TSHZ2: variants seen among roughly 807,000 people sequenced by gnomAD.
The protein encoded by TSHZ2 is teashirt zinc finger homeobox 2.
TSHZ2 carries 21 observed loss-of-function variants against 74.4 expected under a neutral mutation model. That is an observed-to-expected ratio of 0.28 (90% CI 0.20 to 0.41). The LOEUF (loss-of-function observed/expected upper bound fraction) is 0.41, where lower values mean the gene tolerates loss of function less well. Among genes scored for constraint, TSHZ2 ranks in the 10% least tolerant of loss-of-function variants. TSHZ2 has a pLI of 1.00. For missense variants in TSHZ2, 1,244 were observed against 1,293.5 expected (o/e 0.96, Z 0.59); for synonymous variants, 540 against 515.3 (o/e 1.05, Z -0.65).
chr20:53,391,215 C>T (rs933736000), intron 2 of TSHZ2, among the ~76,000 whole-genome samples: 3 of 152,272 alleles, frequency 2.0e-5, no homozygotes, highest in Non-Finnish European at 2.9e-5. Context: ...GGCACGATCT[C>T]GGCTCACTGC....
In TSHZ2 at chr20:53,460,941, C is replaced by A. The variant is rs552283338; in HGVS notation, c.*9-26203C>A. Among the ~76,000 whole-genome samples, 436 of 152,344 alleles carry A rather than the reference C, an allele frequency of 2.9e-3. 1 individual carries two copies. Among genetic ancestry groups the A allele is most frequent in the South Asian group, 5.4e-3 (26 of 4,824 alleles). On this transcript the variant is annotated intron_variant, in intron 2 of 2. Coordinates refer to ENST00000371497, the MANE Select transcript of TSHZ2 (RefSeq NM_173485.6). ...GTACTGGGAGAACCACTGCTCTCTT[C>A]AAAGCTGTCAGACAGGGACATTTAA...
chr20:53,082,189 C>T (rs1985557230), intron 1 of TSHZ2, among the ~76,000 whole-genome samples: 1 of 152,168 alleles, frequency 6.6e-6, no homozygotes. Context: ...CAAGATGACC[C>T]ACACAACTCT....
At chr20:52,983,560 T>C (rs1228680531) in intron 1 of TSHZ2, among the ~76,000 whole-genome samples, 1 of 152,244 alleles carries the variant, frequency 6.6e-6, no homozygotes, top group East Asian at 1.9e-4. Flanking sequence ...TATAAGGATC[T>C]CTTTCATAGG....
At chr20:53,346,133 G>A (rs964490631) in intron 2 of TSHZ2, among the ~76,000 whole-genome samples, 4 of 152,192 alleles carry the variant, frequency 2.6e-5, no homozygotes, top group Non-Finnish European at 5.9e-5. Flanking sequence ...GCCTACCCCA[G>A]TGACATTTCA....
At chr20:53,024,189 AATT>A (rs1239662890) in intron 1 of TSHZ2, among the ~76,000 whole-genome samples, 1 of 151,990 alleles carries the variant, frequency 6.6e-6, no homozygotes, top group Admixed American at 6.6e-5. Flanking sequence ...TATGTACATA[AATT>A]ATTATCTTAT....
At chr20:53,112,097 C>A (rs558373245) in intron 1 of TSHZ2, among the ~76,000 whole-genome samples, 9 of 152,256 alleles carry the variant, frequency 5.9e-5, no homozygotes, top group Admixed American at 1.3e-4. Context: ...GCCACCCAGG[C>A]AAAACCAGGT....
chr20:53,197,091 G>A (rs1988889792), intron 1 of TSHZ2, among the ~76,000 whole-genome samples: 1 of 152,180 alleles, frequency 6.6e-6, no homozygotes, highest in Non-Finnish European at 1.5e-5. Flanking sequence ...AAATAACAGT[G>A]TGACTTTGTC....
At chr20:53,364,074 T>C (rs928188706) in intron 2 of TSHZ2, among the ~76,000 whole-genome samples, 1 of 148,844 alleles carries the variant, frequency 6.7e-6, no homozygotes, top group African/African-American at 2.5e-5. Context: ...GAAGGAGGAC[T>C]GGAGATGAGG....
chr20:52,976,530 G>A (rs1981345699), intron 1 of TSHZ2, among the ~76,000 whole-genome samples: 2 of 152,214 alleles, frequency 1.3e-5, no homozygotes. Flanking sequence ...CATTTCAAGG[G>A]AGATAGAGAA....
intron 1 of TSHZ2, among the ~76,000 whole-genome samples, chr20:52,993,465 T>C (rs989961506): frequency 8.5e-5 from 13 of 152,238 alleles, no homozygotes; most frequent in African/African-American, 2.7e-4. Flanking sequence ...CATGATCTCA[T>C]TTTCATTTTA....
intron 2 of TSHZ2, among the ~76,000 whole-genome samples, chr20:53,292,444 C>T (rs528674087): frequency 9.2e-6 from 1 of 109,176 alleles, no homozygotes; most frequent in East Asian, 2.5e-4. Flanking sequence ...ACACAAACCA[C>T]CTATTTTTTT....
chr20:53,298,482 G>T (rs962515021), intron 2 of TSHZ2, among the ~76,000 whole-genome samples: 4 of 152,182 alleles, frequency 2.6e-5, no homozygotes, highest in Admixed American at 2.6e-4. Context: ...GAAAGAACTG[G>T]CTTCAGAGAT....
chr20:53,053,458 A>G (rs1984542067), intron 1 of TSHZ2, among the ~76,000 whole-genome samples: 1 of 152,158 alleles, frequency 6.6e-6, no homozygotes, highest in Non-Finnish European at 1.5e-5. Flanking sequence ...AGCCAAGAGA[A>G]CGGTCTAGGT....
At chr20:53,481,043 GA>G (rs3042259) in intron 2 of TSHZ2, among the ~76,000 whole-genome samples, 51,936 of 151,250 alleles carry the variant, frequency 0.34, 9,105 homozygotes, top group Admixed American at 0.36. Context: ...CAATATATTA[GA>G]AAAAAAAATG....
chr20:53,310,000 T>A (rs1457312326), intron 2 of TSHZ2, among the ~76,000 whole-genome samples: 1 of 152,200 alleles, frequency 6.6e-6, no homozygotes, highest in East Asian at 1.9e-4. Context: ...TAAAGAAAAT[T>A]GTTGAGCATC....
At chr20:53,425,328 G>A (rs1350386687) in intron 2 of TSHZ2, among the ~76,000 whole-genome samples, 1 of 152,152 alleles carries the variant, frequency 6.6e-6, no homozygotes, top group Admixed American at 6.5e-5. Context: ...TTGAAACAAA[G>A]CTATTCACTC....
intron 1 of TSHZ2, among the ~76,000 whole-genome samples, chr20:53,218,828 T>C (rs1221286834): frequency 6.6e-6 from 1 of 152,242 alleles, no homozygotes; most frequent in Admixed American, 6.5e-5. Context: ...AATATTCATA[T>C]TTATTGAACA....
chr20:53,247,307 G>A (rs1336404337), intron 1 of TSHZ2, among the ~76,000 whole-genome samples: 2 of 152,158 alleles, frequency 1.3e-5, no homozygotes, highest in Non-Finnish European at 2.9e-5. Flanking sequence ...CTGGCCTGTG[G>A]TACCTGGATT....
At chr20:53,410,809 G>A (rs1176214756) in intron 2 of TSHZ2, among the ~76,000 whole-genome samples, 1 of 151,564 alleles carries the variant, frequency 6.6e-6, no homozygotes, top group African/African-American at 2.4e-5. Flanking sequence ...TTGAGTAGCT[G>A]GGATTACAGG....
Sources: allele counts gnomAD v4.1 joint callset (sites outside exome capture counted in the v4.1 genomes callset), GRCh38; gene constraint gnomAD v4.1.1; transcripts MANE v1.5; gene names NCBI Gene and HGNC (gene_info 2026-07-23, HGNC 2026-07-21).